Variants in FRAS1 observed in about 807,000 individuals in gnomAD.
The protein encoded by FRAS1 is Fraser extracellular matrix complex subunit 1.
A neutral mutation model predicts 435.2 loss-of-function variants in FRAS1; 290 were observed. That is an observed-to-expected ratio of 0.67 (90% CI 0.61 to 0.73). The LOEUF (loss-of-function observed/expected upper bound fraction) is 0.73, where lower values mean the gene tolerates loss of function less well. FRAS1 is among the 30% of genes least tolerant of loss of function. The probability of loss-of-function intolerance (pLI) is 0.00; values close to 1 mark genes in which losing one functional copy is unlikely to be tolerated. For missense variants in FRAS1, 4,860 were observed against 5,001.5 expected, an observed-to-expected ratio of 0.97 and a Z score of 0.85; for synonymous variants, 1,800 against 1,851.0, an observed-to-expected ratio of 0.97 and a Z score of 0.71.
At chr4:78,093,098 C>T (rs1741615167) in intron 2 of FRAS1, among the ~76,000 whole-genome samples, 1 of 152,148 alleles carries the variant, frequency 6.6e-6, no homozygotes, top group South Asian at 2.1e-4. Context: ...ACTGGTTCAC[C>T]ACAGGAAAAT....
intron 52 of FRAS1, among the ~76,000 whole-genome samples, chr4:78,472,697 G>T (rs1301200718): frequency 6.6e-6 from 1 of 152,152 alleles, no homozygotes; most frequent in East Asian, 1.9e-4. Flanking sequence ...GATCCTGTGT[G>T]ATTTATTTTT....
At chr4:78,208,037 G>A (rs1723336410) in intron 2 of FRAS1, among the ~76,000 whole-genome samples, 1 of 152,186 alleles carries the variant, frequency 6.6e-6, no homozygotes, top group South Asian at 2.1e-4. Flanking sequence ...GAAGTGGATA[G>A]CTCCTGCAGG....
Position 78,430,320 on chromosome 4 carries a change from G to C in FRAS1, c.4872G>C (p.Glu1624Asp), listed in dbSNP as rs746632795. 7 of 1,613,790 alleles carry C rather than the reference G, an allele frequency of 4.3e-6. No individual in the cohort carries two copies. The South Asian group carries it at 7.7e-5, about 18-fold the overall frequency. The change falls in exon 37 of 74, where the codon GAG (glutamate) becomes GAC (aspartate). Residue 1624 changes from glutamate to aspartate, a missense_variant. Physicochemically the swap from Glu to Asp is conservative, Grantham distance 45 (BLOSUM62 2). Coordinates refer to ENST00000512123, the MANE Select transcript of FRAS1 (RefSeq NM_025074.7). ...TTCAGGTGGTAGTAAGAGATGCTGA[G>C]ACAGCGCCCAAAGAACTCTTCTTTG... ...VGLQVVVRDA[E>D]TAPKELFFEL...
intron 45 of FRAS1, 70 bp downstream of exon 45, chr4:78,450,409 T>C: frequency 8.0e-7 from 1 of 1,242,372 alleles, no homozygotes; most frequent in Admixed American, 1.7e-5. Context: ...GAGAATTAAA[T>C]ATCTGGTAGT....
Position 78,247,184 on chromosome 4 carries a change from T to C in FRAS1, c.309+1859T>C, listed in dbSNP as rs563821087. 3.3e-5 allele frequency among the ~76,000 whole-genome samples: 5 copies of C among 152,246 alleles called. No individual in the cohort carries two copies. In the South Asian group the frequency reaches 8.3e-4, roughly 25 times the overall value. On this transcript the variant is annotated intron_variant, in intron 4 of 73. Coordinates refer to ENST00000512123, the MANE Select transcript of FRAS1 (RefSeq NM_025074.7). ...ACTTTTGCAGGGAGAGTTCAGAAAGTTCTCCCGCTGGTCTTTCTTCTCCCC... is the reference window on the plus strand; with the variant it reads ...ACTTTTGCAGGGAGAGTTCAGAAAGCTCTCCCGCTGGTCTTTCTTCTCCCC...
intron 2 of FRAS1, among the ~76,000 whole-genome samples, chr4:78,108,884 C>A (rs570717190): frequency 7.9e-6 from 1 of 127,006 alleles, no homozygotes; most frequent in East Asian, 2.1e-4. Flanking sequence ...AGAGAAGAAT[C>A]AAATAGACAC....
chr4:78,451,439 G>C (rs936371976), intron 45 of FRAS1, among the ~76,000 whole-genome samples: 7 of 152,142 alleles, frequency 4.6e-5, no homozygotes, highest in African/African-American at 1.4e-4. Context: ...TGTGGTCAGT[G>C]CACATTTACA....
intron 20 of FRAS1, among the ~76,000 whole-genome samples, chr4:78,345,647 CCTAT>C (rs1730577834): frequency 6.6e-6 from 1 of 151,222 alleles, no homozygotes; most frequent in South Asian, 2.1e-4. Flanking sequence ...ATCTTGTCAC[CCTAT>C]CTCTTATTGC....
chr4:78,500,647 T>C (rs17429053), intron 61 of FRAS1, among the ~76,000 whole-genome samples: 21,948 of 152,100 alleles, frequency 0.14, 1,903 homozygotes, highest in Non-Finnish European at 0.21. Context: ...TCTTGGCAAG[T>C]GGAGGGAGAA....
chr4:78,541,059 A>G lies in FRAS1; in HGVS notation c.11974A>G (p.Lys3992Glu). The G allele has an allele frequency of 7.0e-7, 1 of 1,437,366 alleles. No individual in the cohort carries two copies. 89.0% of individuals were successfully genotyped at this position (1,437,366 alleles called of 1,614,324 possible). A position where few individuals can be genotyped will look rare whatever the true frequency, so the allele number is the denominator to read the frequency against. ...GGCGGCTTACACGTTCAAAGGTGCTAAAGTCAAAAGACTGAATCTAGAAGT... is the reference window on the plus strand; with the variant it reads ...GGCGGCTTACACGTTCAAAGGTGCTGAAGTCAAAAGACTGAATCTAGAAGT... Reference protein sequence around the residue: ...PEAAYTFKGAKVKRLNLEVRV... With the variant: ...PEAAYTFKGAEVKRLNLEVRV... Residue 3992 changes from lysine (K) to glutamate (E), a missense_variant, in exon 74 of 74, where the codon AAA becomes GAA. Physicochemically the swap from Lys to Glu is moderately conservative, Grantham distance 56. Coordinates refer to ENST00000512123, the MANE Select transcript of FRAS1 (RefSeq NM_025074.7).
intron 47 of FRAS1, among the ~76,000 whole-genome samples, chr4:78,454,468 A>G (rs914985158): frequency 1.3e-5 from 2 of 152,188 alleles, no homozygotes; most frequent in African/African-American, 4.8e-5. Flanking sequence ...TAAAATCCCT[A>G]GTGGGAATTA....
At chr4:78,074,509 T>C (rs370437810) in intron 2 of FRAS1, among the ~76,000 whole-genome samples, 2 of 152,200 alleles carry the variant, frequency 1.3e-5, no homozygotes, top group Admixed American at 6.6e-5. Flanking sequence ...ATTGGATCTA[T>C]GGAGAATACC....
rs794727681 is a variant in FRAS1 at position 78,451,781 on chromosome 4, A to C, written c.6473A>C (p.Glu2158Ala). The C allele has an allele frequency of 1.5e-5, 24 of 1,608,496 alleles. No individual in the cohort carries two copies. The Admixed American group carries it at 2.5e-4, about 17-fold the overall frequency. The change falls in exon 46 of 74, where the codon GAA becomes GCA. Residue 2158 changes from glutamate to alanine, a missense_variant. Glu to Ala is a moderately radical substitution (Grantham distance 107, BLOSUM62 -1). Coordinates refer to ENST00000512123, the MANE Select transcript of FRAS1 (RefSeq NM_025074.7). ...TTTTTCCTTTTTATAGGCCACGTAG[A>C]ATATAGTCATGGAACAGGAGAACCT... ...TQADISQGHV[E>A]YSHGTGEPGG...
chr4:78,527,611 A>G (rs539731391), intron 70 of FRAS1, among the ~76,000 whole-genome samples: 118 of 152,282 alleles, frequency 7.7e-4, no homozygotes, highest in African/African-American at 2.6e-3. Flanking sequence ...ATTCGTCAAT[A>G]CTGAGGTCAT....
chr4:78,389,757 T>G (rs1232767736), intron 29 of FRAS1, among the ~76,000 whole-genome samples: 1 of 152,212 alleles, frequency 6.6e-6, no homozygotes, highest in Non-Finnish European at 1.5e-5. Context: ...CAGTTCAGTG[T>G]GTTGCACAAC....
In FRAS1 at chr4:78,511,313, C is replaced by G. The variant is rs764019532; in HGVS notation, c.9820C>G (p.Arg3274Gly). The change falls in exon 64 of 74, where the codon CGT (arginine) becomes GGT (glycine). Residue 3274 changes from arginine to glycine, a missense_variant. Transcript: ENST00000512123. ...TTACTTCAGCCGGAGGTTCCATGTGCGTTGTGTGGCCAAGGCTGTGGACAA... is the reference window on the plus strand; with the variant it reads ...TTACTTCAGCCGGAGGTTCCATGTGGGTTGTGTGGCCAAGGCTGTGGACAA... Reference protein sequence around the residue: ...SIYFSRRFHVRCVAKAVDKVG... With the variant: ...SIYFSRRFHVGCVAKAVDKVG... 3.1e-6 allele frequency: 5 copies of G among 1,609,400 alleles called. No individual in the cohort carries two copies. Among genetic ancestry groups the G allele is most frequent in the Non-Finnish European group, 3.4e-6 (4 of 1,176,380 alleles).
chr4:78,254,104 C>T (rs960530366), intron 5 of FRAS1, among the ~76,000 whole-genome samples: 1 of 152,052 alleles, frequency 6.6e-6, no homozygotes, highest in Admixed American at 6.6e-5. Context: ...AAGCCAGAGT[C>T]AGACTTTTAG....
chr4:78,083,802 C>G (rs1206393202), intron 2 of FRAS1, among the ~76,000 whole-genome samples: 2 of 151,932 alleles, frequency 1.3e-5, no homozygotes, highest in African/African-American at 4.8e-5. Flanking sequence ...TTAGCACCAT[C>G]AATGAACATT....
intron 28 of FRAS1, among the ~76,000 whole-genome samples, chr4:78,387,055 T>C (rs979825371): frequency 6.6e-6 from 1 of 152,144 alleles, no homozygotes; most frequent in African/African-American, 2.4e-5. Flanking sequence ...ATACCTCTTA[T>C]TAGTCTCTTT....
Sources: allele counts gnomAD v4.1 joint callset (sites outside exome capture counted in the v4.1 genomes callset), GRCh38; gene constraint gnomAD v4.1.1; transcripts MANE v1.5; gene names NCBI Gene and HGNC (gene_info 2026-07-23, HGNC 2026-07-21).